Variants in EXOC4 observed in about 807,000 individuals in gnomAD.
EXOC4 encodes the protein SEC8-like 1.
Under a neutral mutation model 107.2 loss-of-function variants are expected in EXOC4, and 71 were observed. That is an observed-to-expected ratio of 0.66 (90% CI 0.55 to 0.81). The LOEUF (loss-of-function observed/expected upper bound fraction) is 0.81. Among genes scored for constraint, EXOC4 ranks in the 30% least tolerant of loss-of-function variants. The pLI is 0.00. For synonymous variants in EXOC4, 456 were observed against 441.2 expected (o/e 1.03, Z -0.42); for missense variants, 1,108 against 1,189.6 (o/e 0.93, Z 1.01).
At chr7:134,057,319 G>T (rs542709065) in intron 17 of EXOC4, among the ~76,000 whole-genome samples, 2 of 151,732 alleles carry the variant, frequency 1.3e-5, no homozygotes, top group Admixed American at 6.6e-5. Context: ...CACTTCTAGC[G>T]TGTCCTGATC....
At chr7:133,439,374 G>A (rs370463009) in intron 7 of EXOC4, among the ~76,000 whole-genome samples, 2 of 151,520 alleles carry the variant, frequency 1.3e-5, no homozygotes, top group African/African-American at 4.9e-5. Flanking sequence ...TAGTAGAGAC[G>A]GGGTTTCATC....
At chr7:133,771,426 A>G (rs1370083727) in intron 10 of EXOC4, 2 of 151,996 alleles carry the variant, frequency 1.3e-5, no homozygotes, top group Non-Finnish European at 2.9e-5. Flanking sequence ...CCCCCTAGTT[A>G]GAGGACATCA....
At chr7:133,827,639 A>G (rs1797731549) in intron 11 of EXOC4, among the ~76,000 whole-genome samples, 1 of 152,320 alleles carries the variant, frequency 6.6e-6, no homozygotes, top group East Asian at 1.9e-4. Flanking sequence ...TTTGAGGTCA[A>G]CCATTATTCT....
chr7:133,943,772 A>AT (rs35327156), intron 14 of EXOC4, among the ~76,000 whole-genome samples: 45,295 of 151,802 alleles, frequency 0.3, 7,204 homozygotes, highest in Non-Finnish European at 0.36. Flanking sequence ...TCATTTAGTG[A>AT]TTTTTAGAAA....
At chr7:133,755,257 A>G (rs1248245004) in intron 10 of EXOC4, among the ~76,000 whole-genome samples, 1 of 95,958 alleles carries the variant, frequency 1.0e-5, no homozygotes, top group Non-Finnish European at 2.0e-5. Context: ...TATATATTAT[A>G]TATATATTAT....
At chr7:133,783,699 A>G (rs959031503) in intron 10 of EXOC4, among the ~76,000 whole-genome samples, 13 of 152,204 alleles carry the variant, frequency 8.5e-5, no homozygotes, top group African/African-American at 3.1e-4. Flanking sequence ...GAAAGGAAGA[A>G]GGTTTAGACT....
intron 9 of EXOC4, among the ~76,000 whole-genome samples, chr7:133,593,513 TG>T (rs1801597158): frequency 1.3e-5 from 2 of 152,214 alleles, no homozygotes; most frequent in South Asian, 4.1e-4. Context: ...CAATGTGTTT[TG>T]GGGAGTCTGG....
intron 9 of EXOC4, among the ~76,000 whole-genome samples, chr7:133,558,171 C>G (rs1365389524): frequency 6.6e-6 from 1 of 151,502 alleles, no homozygotes; most frequent in Non-Finnish European, 1.5e-5. Context: ...GAAATGCTAG[C>G]TGGTATTTTG....
chr7:134,056,743 C>T (rs910278711), intron 17 of EXOC4, among the ~76,000 whole-genome samples: 4 of 152,194 alleles, frequency 2.6e-5, no homozygotes, highest in Middle Eastern at 6.8e-3. Context: ...GACATGTCAA[C>T]CATAGATATT....
intron 15 of EXOC4, among the ~76,000 whole-genome samples, chr7:133,999,573 CAG>C (rs1008100146): frequency 2.0e-5 from 3 of 152,068 alleles, no homozygotes; most frequent in African/African-American, 7.2e-5. Context: ...TACAAGCGGA[CAG>C]AGAAATCAGG....
At chr7:133,475,561 T>G in intron 8 of EXOC4, 88 bp downstream of exon 8, 1 of 1,227,526 alleles carries the variant, frequency 8.1e-7, no homozygotes, top group Non-Finnish European at 1.2e-6. Flanking sequence ...CATAACTTTG[T>G]CTAGCTTAAG....
rs937264363 is a variant in EXOC4, at chr7:133,850,377, T to G, written c.1734+32833T>G. ...ATGTTAATAGGTGCTGTATGAAAAC[T>G]GATTCATTTCCAAGTAGGTTTGGAA... On this transcript the variant is annotated intron_variant, in intron 11 of 17. Coordinates refer to ENST00000253861, the MANE Select transcript of EXOC4 (RefSeq NM_021807.4). 3.3e-5 allele frequency among the ~76,000 whole-genome samples: 5 copies of G among 152,332 alleles called. No individual in the cohort carries two copies. In the East Asian group the frequency reaches 5.8e-4, roughly 18 times the overall value.
chr7:134,009,434 C>T (rs764652336), intron 17 of EXOC4, among the ~76,000 whole-genome samples: 3 of 152,130 alleles, frequency 2.0e-5, no homozygotes, highest in Non-Finnish European at 4.4e-5. Flanking sequence ...CCATTGCTAC[C>T]CTGTTCCTCT....
intron 6 of EXOC4, among the ~76,000 whole-genome samples, chr7:133,371,451 T>G (rs930402279): frequency 5.3e-5 from 8 of 152,134 alleles, no homozygotes; most frequent in African/African-American, 1.9e-4. Flanking sequence ...CTCTATAAAT[T>G]TGCCTATCCT....
the EXOC4 span, among the ~76,000 whole-genome samples, chr7:134,093,707 G>A: frequency 1.2e-4 from 18 of 152,026 alleles, no homozygotes; most frequent in African/African-American, 3.6e-4. Context: ...TTTAAAACTC[G>A]AAATTATACC....
intron 9 of EXOC4, among the ~76,000 whole-genome samples, chr7:133,627,649 A>G (rs1162870310): frequency 6.6e-6 from 1 of 152,206 alleles, no homozygotes; most frequent in East Asian, 1.9e-4. Context: ...TAACCGTACC[A>G]TATGACCTTT....
chr7:133,705,055 T>TA (rs1397888613), intron 10 of EXOC4, among the ~76,000 whole-genome samples: 1 of 152,194 alleles, frequency 6.6e-6, no homozygotes, highest in African/African-American at 2.4e-5. Context: ...GCCGGGTAGA[T>TA]ACTATACTTT....
chr7:133,566,064 G>A (rs1486339592), intron 9 of EXOC4, among the ~76,000 whole-genome samples: 1 of 152,172 alleles, frequency 6.6e-6, no homozygotes, highest in Admixed American at 6.6e-5. Flanking sequence ...ACATGAGTTT[G>A]AGATCATTTA....
chr7:134,026,570 A>G (rs1345173434), intron 17 of EXOC4, among the ~76,000 whole-genome samples: 7 of 151,584 alleles, frequency 4.6e-5, no homozygotes, highest in Non-Finnish European at 7.4e-5. Flanking sequence ...GCCCAATAGC[A>G]GTTTGCTGAA....
Sources: gnomAD v4.1 joint callset for allele counts (sites outside exome capture counted in the v4.1 genomes callset) on GRCh38, gnomAD v4.1.1 for gene constraint, MANE v1.5 for transcripts, NCBI Gene and HGNC (gene_info 2026-07-23, HGNC 2026-07-21) for gene names.